The following ABCA12 variants were observed in gnomAD, a reference collection of about 807,000 sequenced individuals.
ABCA12 encodes ATP binding cassette subfamily A member 12, also known as glucosylceramide transporter ABCA12.
A neutral mutation model predicts 293.5 loss-of-function variants in ABCA12; 156 were observed. That is an observed-to-expected ratio of 0.53 (90% CI 0.47 to 0.61). The LOEUF (loss-of-function observed/expected upper bound fraction) is 0.61, where lower values mean the gene tolerates loss of function less well. Ranked by LOEUF, ABCA12 falls within the 20% of genes least tolerant of loss-of-function variation. The pLI, the probability that ABCA12 is intolerant of heterozygous loss-of-function variation, is 0.00. For missense variants in ABCA12, 2,797 were observed against 3,090.2 expected (o/e 0.91, Z 2.25); for synonymous variants, 1,063 against 1,108.0 (o/e 0.96, Z 0.81).
chr2:214,943,037 C>A lies in ABCA12; in HGVS notation c.7344-20G>T. 6.3e-7 allele frequency: 1 copy of A among 1,597,914 alleles called. No individual in the cohort carries two copies. The highest frequency in any genetic ancestry group is 1.1e-5 in the South Asian group (1 of 90,718). ...TCCATGCTAAAAGACAAAGCAGGAT[C>A]ATATTAGCATTCAGGATACAGAAAA... is the stretch of plus-strand genomic sequence containing the variant. On this transcript the variant is annotated intron_variant, in intron 49 of 52. Coordinates refer to ENST00000272895, the MANE Select transcript of ABCA12 (RefSeq NM_173076.3).
At chr2:215,127,811 G>A (rs1479570357) in intron 1 of ABCA12, among the ~76,000 whole-genome samples, 2 of 152,014 alleles carry the variant, frequency 1.3e-5, no homozygotes, top group East Asian at 3.9e-4. Flanking sequence ...GAAATATGAG[G>A]TACCATTGCA....
At position 215,001,641 on chromosome 2, in the gene ABCA12, TA is replaced by T; in HGVS notation, c.2779del (p.Tyr927MetfsTer10). The T allele has an allele frequency of 6.2e-7, 1 of 1,613,818 alleles. No homozygotes were observed. The highest frequency in any genetic ancestry group is 1.7e-4 in the Middle Eastern group (1 of 6,058). On this transcript the variant is annotated frameshift_variant, in exon 21 of 53. Coordinates refer to ENST00000272895, the MANE Select transcript of ABCA12 (RefSeq NM_173076.3). LOFTEE classifies it high-confidence loss of function. ...LTVNISSCVL[Y>X]DRIQAAKTID... is the part of the protein sequence containing the mutation. ...GGTTTTTGCTGCCTGAATACGGTCA[TA>T]TAATACACAAGAGGAAATATTTACT...
chr2:214,967,001 T>G, intron 38 of ABCA12, 48 bp from the exon 39 acceptor site: 1 of 1,420,750 alleles, frequency 7.0e-7, no homozygotes, highest in Non-Finnish European at 1.0e-6. Context: ...TTCAAATAAA[T>G]TAGGCTGTCT....
At chr2:214,972,413 A>C (rs1479344724) in intron 36 of ABCA12, among the ~76,000 whole-genome samples, 1 of 152,070 alleles carries the variant, frequency 6.6e-6, no homozygotes, top group Non-Finnish European at 1.5e-5. Flanking sequence ...AATTTATTTT[A>C]ATTTATTTAT....
At chr2:215,096,671 T>C (rs1702255508) in intron 2 of ABCA12, among the ~76,000 whole-genome samples, 1 of 152,184 alleles carries the variant, frequency 6.6e-6, no homozygotes, top group South Asian at 2.1e-4. Flanking sequence ...TACATTAGAG[T>C]ACCCACTACT....
At chr2:214,975,606 A>G (rs1699496260) in intron 34 of ABCA12, among the ~76,000 whole-genome samples, 179 bp downstream of exon 34, 1 of 152,178 alleles carries the variant, frequency 6.6e-6, no homozygotes, top group Non-Finnish European at 1.5e-5. Context: ...GAAAAAAACT[A>G]TTTGTTGGCA....
rs1274823036 is a variant in ABCA12, at chr2:214,950,997, T to C, written c.6734A>G (p.Glu2245Gly). ...CAAGTCAAATTCAGCTGCACCACTC[T>C]CAACTCTTAATCTCTCAGCCCGCAC... ...EDVRAERLRV[E>G]SGAAEFDLVQ... is the part of the protein sequence containing the mutation. The change falls in exon 45 of 53, where the codon GAG becomes GGG. Residue 2245 changes from glutamate (E) to glycine (G), a missense_variant. Physicochemically the swap from Glu to Gly is moderately conservative, Grantham distance 98. Coordinates refer to ENST00000272895, the MANE Select transcript of ABCA12 (RefSeq NM_173076.3). The C allele has an allele frequency of 2.6e-5, 42 of 1,614,140 alleles. No homozygotes were observed. The highest frequency in any genetic ancestry group is 3.6e-5 in the Non-Finnish European group (42 of 1,180,008).
chr2:215,013,320 T>C (rs1042454516), intron 15 of ABCA12: 4 of 152,208 alleles, frequency 2.6e-5, no homozygotes, highest in Non-Finnish European at 5.9e-5. Flanking sequence ...AGGAAGGGCA[T>C]AGGCAGAGGG....
rs893062062 is a variant in ABCA12, at chr2:215,015,926, C to T, written c.1783-263G>A. Among the ~76,000 whole-genome samples the T allele has an allele frequency of 2.6e-5, 4 of 151,662 alleles. No homozygotes were observed. In the East Asian group the frequency reaches 5.9e-4, roughly 22 times the overall value. The stretch of plus-strand genomic sequence containing the variant: ...TTGGGAGGCTGAGGCGGGTGGATCA[C>T]GAGGTCAGGAGTTCGAGACCAGCCT... On this transcript the variant is annotated intron_variant, in intron 14 of 52. Transcript: ENST00000272895.
chr2:215,068,746 CCT>C (rs1323655054), intron 2 of ABCA12, among the ~76,000 whole-genome samples: 1 of 152,094 alleles, frequency 6.6e-6, no homozygotes, highest in African/African-American at 2.4e-5. Context: ...TCCCTGCTCC[CCT>C]CTCTGTATTC....
In ABCA12 at chr2:214,958,264, A is replaced by G. The variant is rs760383903; in HGVS notation, c.6117+13T>C. 7.4e-6 allele frequency: 12 copies of G among 1,613,774 alleles called. No homozygotes were observed. The highest frequency in any genetic ancestry group is 6.6e-5 in the South Asian group (6 of 91,080). On this transcript the variant is annotated intron_variant, in intron 41 of 52. Coordinates refer to ENST00000272895, the MANE Select transcript of ABCA12 (RefSeq NM_173076.3). ...TCTTTTATTCCCTGCAATGAAGGAC[A>G]TAAGTTACTCACCATGTCATAAATG...
At chr2:215,001,132 G>C (rs1700137073) in intron 21 of ABCA12, 112 bp from the exon 22 acceptor site, 4 of 1,010,200 alleles carry the variant, frequency 4.0e-6, no homozygotes, top group African/African-American at 1.6e-5. Context: ...TTAGTAATGT[G>C]ACAGTAGGTT....
At chr2:215,003,166 C>T (rs528535106) in intron 20 of ABCA12, among the ~76,000 whole-genome samples, 83 of 152,272 alleles carry the variant, frequency 5.5e-4, no homozygotes, top group African/African-American at 1.9e-3. Context: ...GGGGGAGGGG[C>T]GTTTGCTCTG....
At chr2:215,111,711 A>G (rs373169999) in intron 1 of ABCA12, 21 bp from the exon 2 acceptor site, 5 of 1,584,438 alleles carry the variant, frequency 3.2e-6, no homozygotes, top group African/African-American at 2.7e-5. Flanking sequence ...ATGGTAGAAA[A>G]AATTGTTAGT....
Position 215,052,576 on chromosome 2 carries a change from A to G in ABCA12, c.418T>C (p.Phe140Leu). The G allele has an allele frequency of 1.2e-6, 2 of 1,612,128 alleles. No individual in the cohort carries two copies. ...ERRHASLATV[F>L]PSPSSDLEIP... ...TCCAAATCAGAACTTGGACTGGGAA[A>G]TACTGTGGCTGTAATCAAAGAAGGA... is the stretch of plus-strand genomic sequence containing the variant. Residue 140 changes from phenylalanine (F) to leucine (L), a missense_variant, in exon 5 of 53, where the codon TTT becomes CTT. Phe to Leu is a conservative substitution (Grantham distance 22). Coordinates refer to ENST00000272895, the MANE Select transcript of ABCA12 (RefSeq NM_173076.3).
Position 215,138,217 on chromosome 2 carries a change from T to C in ABCA12, c.-9A>G. ...TGAAACAGGGAAGCCATCCTTCAAA[T>C]GCCCCAAATGAGAGATTTCCTCTTC... On this transcript the variant is annotated 5_prime_UTR_variant, in exon 1 of 53. Transcript: ENST00000272895. The C allele has an allele frequency of 1.2e-6, 2 of 1,614,000 alleles. No individual in the cohort carries two copies. The highest frequency in any genetic ancestry group is 1.7e-6 in the Non-Finnish European group (2 of 1,179,956).
At chr2:215,132,435 T>C (rs879590267) in intron 1 of ABCA12, among the ~76,000 whole-genome samples, 1 of 152,100 alleles carries the variant, frequency 6.6e-6, no homozygotes, top group Non-Finnish European at 1.5e-5. Context: ...TGGGTTAATA[T>C]ATACTTGGGA....
In ABCA12 at chr2:214,984,748, C is replaced by CCTAA. The variant is rs574620829; in HGVS notation, c.4164-887_4164-884dup. 6.6e-5 allele frequency among the ~76,000 whole-genome samples: 10 copies of CCTAA among 152,240 alleles called. No individual in the cohort carries two copies. The East Asian group carries it at 1.9e-3, about 29-fold the overall frequency. ...TTGCACTCTCCTCCTATCTTAATCT[C>CCTAA]CTAACTACATGCCCATCTCACCGTT... On this transcript the variant is annotated intron_variant, in intron 28 of 52. Coordinates refer to ENST00000272895, the MANE Select transcript of ABCA12 (RefSeq NM_173076.3).
intron 11 of ABCA12, among the ~76,000 whole-genome samples, chr2:215,021,406 G>T (rs1196618360): frequency 6.6e-6 from 1 of 152,188 alleles, no homozygotes; most frequent in Non-Finnish European, 1.5e-5. Flanking sequence ...AGAGGAAAAT[G>T]AAAATCAAAT....
Sources: gnomAD v4.1 joint callset for allele counts (sites outside exome capture counted in the v4.1 genomes callset) on GRCh38, gnomAD v4.1.1 for gene constraint, MANE v1.5 for transcripts, NCBI Gene and HGNC (gene_info 2026-07-23, HGNC 2026-07-21) for gene names.